Variants in SAMD12 observed in about 807,000 individuals in gnomAD.
SAMD12 encodes sterile alpha motif domain containing 12, also known as sterile alpha motif domain-containing protein 12.
Under a neutral mutation model 15.0 loss-of-function variants are expected in SAMD12, and 9 were observed. The observed-to-expected ratio is 0.60, with a 90% CI of 0.36 to 1.05. The LOEUF (loss-of-function observed/expected upper bound fraction) is 1.05, where lower values mean the gene tolerates loss of function less well. SAMD12 is among the 50% of genes least tolerant of loss of function. The pLI, the probability that SAMD12 is intolerant of heterozygous loss-of-function variation, is 0.01. For synonymous variants in SAMD12, 86 were observed against 90.1 expected (o/e 0.96, Z 0.25); for missense variants, 230 against 234.2 (o/e 0.98, Z 0.12).
At position 118,381,235 on chromosome 8, in the gene SAMD12, G is replaced by GT. The variant is rs559147453; in HGVS notation, c.323-1536dup. On this transcript the variant is annotated intron_variant, in intron 3 of 3. Coordinates refer to ENST00000314727, the MANE Select transcript of SAMD12 (RefSeq NM_207506.3). ...GTTCTTGGATGTGCGGTGGTTGGGG[G>GT]TGGAGGTCTGAAGATTCAGTGGAAC... Among the ~76,000 whole-genome samples the GT allele has an allele frequency of 1.2e-4, 19 of 152,326 alleles. 1 individual carries two copies. The South Asian group carries it at 3.9e-3, about 32-fold the overall frequency.
the SAMD12 span, among the ~76,000 whole-genome samples, chr8:118,132,404 A>T: frequency 6.6e-6 from 1 of 152,148 alleles, no homozygotes; most frequent in Non-Finnish European, 1.5e-5. Flanking sequence ...CTTTCAATTT[A>T]TTCCAACTCC....
intron 4 of SAMD12, among the ~76,000 whole-genome samples, chr8:118,299,216 A>G (rs1814887010): frequency 6.6e-6 from 1 of 152,194 alleles, no homozygotes; most frequent in Non-Finnish European, 1.5e-5. Flanking sequence ...TAAATAAGGT[A>G]CCAGAGCCTG....
At chr8:118,430,986 T>G (rs10101386) in intron 3 of SAMD12, among the ~76,000 whole-genome samples, 85,731 of 151,952 alleles carry the variant, frequency 0.56, 25,630 homozygotes, top group Admixed American at 0.66. Context: ...TTTTCTGATT[T>G]TAACTGAGTA....
chr8:118,595,368 A>G (rs72678175), intron 1 of SAMD12, among the ~76,000 whole-genome samples: 2,577 of 152,334 alleles, frequency 0.017, 34 homozygotes, highest in African/African-American at 0.034. Flanking sequence ...CAAACAAAAA[A>G]GGCTAAAGAA....
At chr8:118,218,519 C>T (rs1812014013) in intron 4 of SAMD12, among the ~76,000 whole-genome samples, 1 of 151,332 alleles carries the variant, frequency 6.6e-6, no homozygotes, top group Non-Finnish European at 1.5e-5. Context: ...CCAACATCTC[C>T]CCACCCCCAC....
At chr8:118,286,136 G>A (rs1813986009) in intron 4 of SAMD12, among the ~76,000 whole-genome samples, 1 of 141,280 alleles carries the variant, frequency 7.1e-6, no homozygotes, top group Non-Finnish European at 1.5e-5. Flanking sequence ...TTGGACACAG[G>A]AAGGGGGACA....
At chr8:118,532,927 T>C (rs1427625741) in intron 2 of SAMD12, among the ~76,000 whole-genome samples, 6 of 152,266 alleles carry the variant, frequency 3.9e-5, no homozygotes, top group Middle Eastern at 3.4e-3. Flanking sequence ...GTTTTTTGTG[T>C]CTCTATTTCC....
rs1293030701 is a variant in SAMD12 at position 118,611,512 on chromosome 8, TACCAGTTTC to T, written c.13+10283_13+10291del. 2.6e-5 allele frequency among the ~76,000 whole-genome samples: 4 copies of T among 152,340 alleles called. No individual in the cohort carries two copies. In the East Asian group the frequency reaches 7.7e-4, roughly 29 times the overall value. ...CCTGTCCCCGTCCCCATTTATTGGT[TACCAGTTTC>T]ACCTTCTCTTCCACCAAAAATATCA... On this transcript the variant is annotated intron_variant, in intron 1 of 3. Transcript: ENST00000314727.
chr8:118,483,057 A>C (rs1824172926), intron 2 of SAMD12, among the ~76,000 whole-genome samples: 1 of 152,236 alleles, frequency 6.6e-6, no homozygotes, highest in Admixed American at 6.5e-5. Context: ...AAAAAATTTC[A>C]GGTGCAAATA....
At chr8:118,183,055 A>T in the SAMD12 span, among the ~76,000 whole-genome samples, 1 of 152,240 alleles carries the variant, frequency 6.6e-6, no homozygotes, top group Non-Finnish European at 1.5e-5. Context: ...TGAGGACTCC[A>T]AATCAAATGC....
chr8:118,253,199 G>A (rs1812858696), intron 4 of SAMD12, among the ~76,000 whole-genome samples: 1 of 152,162 alleles, frequency 6.6e-6, no homozygotes, highest in Non-Finnish European at 1.5e-5. Flanking sequence ...AAACTAAGTA[G>A]AGTAGGTATG....
chr8:118,526,734 G>C (rs1024834107), intron 2 of SAMD12, among the ~76,000 whole-genome samples: 4 of 152,144 alleles, frequency 2.6e-5, no homozygotes, highest in Admixed American at 1.3e-4. Flanking sequence ...TCTGGCAGGG[G>C]CTTAAATGTT....
At chr8:118,152,458 ACCTT>A in the SAMD12 span, among the ~76,000 whole-genome samples, 36,650 of 113,972 alleles carry the variant, frequency 0.32, 5,559 homozygotes, top group East Asian at 0.4. Context: ...CTCCCTCCCT[ACCTT>A]CCTTCCTTCC....
the SAMD12 span, among the ~76,000 whole-genome samples, chr8:118,169,874 G>A: frequency 6.6e-6 from 1 of 152,140 alleles, no homozygotes; most frequent in Non-Finnish European, 1.5e-5. Context: ...TACCCCACTT[G>A]TGGTTAAGTG....
intron 4 of SAMD12, among the ~76,000 whole-genome samples, chr8:118,259,998 A>G (rs1219349689): frequency 1.3e-5 from 2 of 152,148 alleles, no homozygotes; most frequent in African/African-American, 4.8e-5. Context: ...TGAGCTCCTC[A>G]CACATGCCAA....
intron 2 of SAMD12, among the ~76,000 whole-genome samples, chr8:118,580,397 C>T (rs920882288): frequency 6.6e-6 from 1 of 151,594 alleles, no homozygotes; most frequent in Non-Finnish European, 1.5e-5. Context: ...CAGAAAGTCA[C>T]ATGACTTTCC....
At chr8:118,189,966 AAAAG>A (rs1324123497) in exon 5 of SAMD12, 8 of 151,472 alleles carry the variant, frequency 5.3e-5, no homozygotes, top group Admixed American at 1.3e-4. Flanking sequence ...AAAAAAAAAA[AAAAG>A]AAAGAAAAAC....
At chr8:118,513,065 A>ACAATTTGAGGG (rs1259018214) in intron 2 of SAMD12, among the ~76,000 whole-genome samples, 1 of 152,172 alleles carries the variant, frequency 6.6e-6, no homozygotes, top group African/African-American at 2.4e-5. Flanking sequence ...TAAACTGGGA[A>ACAATTTGAGGG]CAATTTGAGG....
chr8:118,363,594 T>G (rs1818617379), intron 4 of SAMD12, among the ~76,000 whole-genome samples: 1 of 152,182 alleles, frequency 6.6e-6, no homozygotes, highest in Non-Finnish European at 1.5e-5. Context: ...CTCAAGCCTT[T>G]ACATTTGAAC....
Sources: gnomAD v4.1 joint callset for allele counts (sites outside exome capture counted in the v4.1 genomes callset) on GRCh38, gnomAD v4.1.1 for gene constraint, MANE v1.5 for transcripts, NCBI Gene and HGNC (gene_info 2026-07-23, HGNC 2026-07-21) for gene names.